The following TTC7A variants were observed in gnomAD, a reference collection of about 807,000 sequenced individuals.
The protein encoded by TTC7A is tetratricopeptide repeat protein 7A.
A neutral mutation model predicts 103.7 loss-of-function variants in TTC7A; 110 were observed. That is an observed-to-expected ratio of 1.06 (90% CI 0.91 to 1.24). TTC7A has a LOEUF of 1.24. Among genes scored for constraint, TTC7A ranks in the 50% most tolerant of loss-of-function variants. TTC7A has a pLI of 0.00. For missense variants in TTC7A, 1,340 were observed against 1,116.3 expected (o/e 1.20, Z -2.86); for synonymous variants, 521 against 467.9 (o/e 1.11, Z -1.47).
intron 18 of TTC7A, among the ~76,000 whole-genome samples, chr2:47,059,120 C>G (rs1054775229): frequency 7.2e-5 from 10 of 138,192 alleles, no homozygotes; most frequent in African/African-American, 1.6e-4. Flanking sequence ...CTCCCAGATT[C>G]AATGAACTCT....
In TTC7A at chr2:47,007,059, C is replaced by T. The variant is rs1282721900; in HGVS notation, c.1287+335C>T. Reference sequence around the variant, plus strand: ...TATGAGGTGCATCCAGGTGAGTGAACATTGTTCCACGTGGGCTGTAGTTCT... The same window carrying T: ...TATGAGGTGCATCCAGGTGAGTGAATATTGTTCCACGTGGGCTGTAGTTCT... On this transcript the variant is annotated intron_variant, in intron 10 of 19. Transcript: ENST00000319190. This position sits in a 1 kb window ranked among gnomAD's most constrained non-coding sequence, Gnocchi z 4.9. 6.6e-6 allele frequency among the ~76,000 whole-genome samples: 1 copy of T among 152,136 alleles called. No individual in the cohort carries two copies. Among genetic ancestry groups the T allele is most frequent in the Non-Finnish European group, 1.5e-5 (1 of 68,028 alleles).
chr2:47,001,316 G>A (rs886668260), intron 8 of TTC7A, among the ~76,000 whole-genome samples: 2 of 152,142 alleles, frequency 1.3e-5, no homozygotes, highest in African/African-American at 2.4e-5. Context: ...TTACTAGGTT[G>A]GAAAAAGCTG....
At chr2:47,042,584 C>T (rs928342617) in intron 15 of TTC7A, among the ~76,000 whole-genome samples, 4 of 152,082 alleles carry the variant, frequency 2.6e-5, no homozygotes, top group Non-Finnish European at 5.9e-5. Flanking sequence ...GAATAACCAA[C>T]TCAAAATATA....
intron 18 of TTC7A, among the ~76,000 whole-genome samples, chr2:47,056,248 T>C (rs1683303013): frequency 6.6e-6 from 1 of 152,262 alleles, no homozygotes; most frequent in Non-Finnish European, 1.5e-5. Context: ...GGCATTTATA[T>C]GCTCTGAGTG....
intron 3 of TTC7A, 77 bp downstream of exon 3, chr2:46,957,084 G>A: frequency 1.3e-6 from 2 of 1,579,528 alleles, no homozygotes; most frequent in Non-Finnish European, 1.7e-6. Context: ...GCCCTGCTGG[G>A]CTCGTGTCCA....
chr2:47,038,335 C>G (rs1310713774), intron 15 of TTC7A, among the ~76,000 whole-genome samples: 1 of 152,038 alleles, frequency 6.6e-6, no homozygotes, highest in Non-Finnish European at 1.5e-5. Context: ...AGGAGGGACA[C>G]TTGGGTCATC....
chr2:46,972,225 A>G (rs1227804616), intron 3 of TTC7A, among the ~76,000 whole-genome samples: 6 of 151,594 alleles, frequency 4.0e-5, no homozygotes, highest in African/African-American at 1.5e-4. Context: ...TGACGCAAAT[A>G]CAGTTGTTTT....
chr2:47,046,713 G>A, intron 16 of TTC7A: 3 of 433,712 alleles, frequency 6.9e-6, no homozygotes, highest in South Asian at 3.0e-5. Context: ...TGCTGGGCTT[G>A]TTCCTTTATC....
chr2:47,052,445 T>C (rs1011363348), intron 18 of TTC7A, among the ~76,000 whole-genome samples: 4 of 152,122 alleles, frequency 2.6e-5, no homozygotes, highest in Middle Eastern at 3.2e-3. Context: ...AACGAGCCAA[T>C]GTGTGACACA....
chr2:47,042,459 G>A (rs376283100), intron 15 of TTC7A, among the ~76,000 whole-genome samples: 77 of 152,078 alleles, frequency 5.1e-4, no homozygotes, highest in African/African-American at 9.4e-4. Context: ...CTATGATCAC[G>A]TCACTGCACT....
intron 3 of TTC7A, among the ~76,000 whole-genome samples, chr2:46,968,015 G>A (rs1162087259): frequency 5.9e-5 from 9 of 152,124 alleles, no homozygotes; most frequent in Non-Finnish European, 1.2e-4. Context: ...GAGGGAAGGG[G>A]TTCTGTTGCT....
At chr2:46,921,605 A>G (rs1669106337) in intron 2 of TTC7A, among the ~76,000 whole-genome samples, 1 of 152,216 alleles carries the variant, frequency 6.6e-6, no homozygotes, top group Admixed American at 6.5e-5. Flanking sequence ...TTTAAAGAAA[A>G]TAGTCATTAA....
chr2:46,950,318 G>T (rs200080867), intron 1 of TTC7A, 45 bp from the exon 2 acceptor site: 5 of 1,608,538 alleles, frequency 3.1e-6, no homozygotes, highest in South Asian at 1.1e-5. Context: ...TCCATTATCC[G>T]CCTTGTTCGG....
At chr2:47,061,813 C>T (rs1683805647) in intron 19 of TTC7A, among the ~76,000 whole-genome samples, 1 of 152,186 alleles carries the variant, frequency 6.6e-6, no homozygotes, top group African/African-American at 2.4e-5. Flanking sequence ...TTCCAGAGAA[C>T]ATGTATCCGG....
intron 19 of TTC7A, among the ~76,000 whole-genome samples, chr2:47,067,013 G>T (rs2104806462): frequency 6.6e-6 from 1 of 152,346 alleles, no homozygotes; most frequent in East Asian, 1.9e-4. Flanking sequence ...GGGCAAGAGA[G>T]TGTGAGAGAA....
intron 14 of TTC7A, among the ~76,000 whole-genome samples, chr2:47,025,723 G>A (rs149285679): frequency 2.1e-3 from 318 of 152,126 alleles, no homozygotes; most frequent in Non-Finnish European, 3.7e-3. Flanking sequence ...TTCCACTGTC[G>A]TCGGTGGCTT....
intron 11 of TTC7A, among the ~76,000 whole-genome samples, chr2:47,020,159 G>T (rs1049979009): frequency 6.6e-6 from 1 of 152,314 alleles, no homozygotes; most frequent in Non-Finnish European, 1.5e-5. Context: ...TGTGGGGAGC[G>T]GGGAGGAGCG....
At chr2:47,011,874 C>T (rs1369344881) in intron 11 of TTC7A, among the ~76,000 whole-genome samples, 2 of 152,264 alleles carry the variant, frequency 1.3e-5, no homozygotes, top group African/African-American at 4.8e-5. Flanking sequence ...TCTTTTCTGT[C>T]AGCCCCTCTC....
intron 14 of TTC7A, among the ~76,000 whole-genome samples, chr2:47,028,220 A>G (rs1296313926): frequency 2.0e-5 from 3 of 152,224 alleles, no homozygotes; most frequent in African/African-American, 4.8e-5. Context: ...CATCCTGGCA[A>G]GGTGGCAGGC....
Sources: gnomAD v4.1 joint callset for allele counts (sites outside exome capture counted in the v4.1 genomes callset) on GRCh38, gnomAD v4.1.1 for gene constraint, Gnocchi (gnomAD v3.1) non-coding constraint, MANE v1.5 for transcripts, NCBI Gene and HGNC (gene_info 2026-07-23, HGNC 2026-07-21) for gene names.